Variants in SH2D4A observed in about 807,000 individuals in gnomAD.
The protein encoded by SH2D4A is SH2 domain-containing protein 4A.
A neutral mutation model predicts 64.7 loss-of-function variants in SH2D4A; 70 were observed. The ratio of observed to expected loss-of-function variants is 1.08; its 90% CI spans 0.89 to 1.32. SH2D4A has a LOEUF of 1.32. Among genes scored for constraint, SH2D4A ranks in the 40% most tolerant of loss-of-function variants. The pLI is 0.00. For synonymous variants in SH2D4A, 268 were observed against 200.7 expected, an observed-to-expected ratio of 1.34 and a Z score of -2.83; for missense variants, 706 against 540.1, an observed-to-expected ratio of 1.31 and a Z score of -3.04.
intron 2 of SH2D4A, among the ~76,000 whole-genome samples, chr8:19,331,348 G>C (rs1434320343): frequency 6.6e-6 from 1 of 152,168 alleles, no homozygotes; most frequent in African/African-American, 2.4e-5. Flanking sequence ...CACCAGCCAG[G>C]TGCCCTCTTC....
At chr8:19,382,362 TTTGAC>T (rs542324160) in intron 8 of SH2D4A, among the ~76,000 whole-genome samples, 8 of 152,308 alleles carry the variant, frequency 5.3e-5, no homozygotes, top group African/African-American at 7.2e-5. Flanking sequence ...CTTACAATGG[TTTGAC>T]TTAAGATTTT....
At chr8:19,353,479 T>C (rs1326471639) in intron 4 of SH2D4A, among the ~76,000 whole-genome samples, 3 of 151,192 alleles carry the variant, frequency 2.0e-5, no homozygotes, top group Non-Finnish European at 4.4e-5. Flanking sequence ...AGCAATTCTC[T>C]TGCCTCAGCC....
intron 8 of SH2D4A, among the ~76,000 whole-genome samples, chr8:19,393,021 G>A (rs182647010): frequency 3.3e-5 from 5 of 152,264 alleles, no homozygotes; most frequent in South Asian, 2.1e-4. Context: ...GATTACAGGC[G>A]TGAGCCACCA....
rs2053148671 is a variant in SH2D4A at position 19,373,653 on chromosome 8, G to C, written c.1041G>C (p.Trp347Cys). 6.2e-7 allele frequency: 1 copy of C among 1,612,944 alleles called. No individual in the cohort carries two copies. Among genetic ancestry groups the C allele is most frequent in the Non-Finnish European group, 8.5e-7 (1 of 1,179,434 alleles). ...AAACCTCAGACACCATAGCCCCCTG[G>C]TTCCATGGTGAGTGCAGAGATTTCC... Reference protein sequence around the residue: ...YQKTSDTIAPWFHGILTLKKA... With the variant: ...YQKTSDTIAPCFHGILTLKKA... Residue 347 changes from tryptophan (W) to cysteine (C), a missense_variant, in exon 8 of 10, where the codon TGG becomes TGC. Trp to Cys is a radical substitution (Grantham distance 215, BLOSUM62 -2). Coordinates refer to ENST00000265807, the MANE Select transcript of SH2D4A (RefSeq NM_022071.4).
At chr8:19,365,455 A>T (rs1394776232) in intron 7 of SH2D4A, among the ~76,000 whole-genome samples, 1 of 152,214 alleles carries the variant, frequency 6.6e-6, no homozygotes, top group Non-Finnish European at 1.5e-5. Context: ...ACAAAGGTGC[A>T]CACGGCTCTA....
chr8:19,393,757 CACTGGGGCAGAGA>C (rs1413482422), intron 9 of SH2D4A, among the ~76,000 whole-genome samples: 2 of 152,120 alleles, frequency 1.3e-5, no homozygotes, highest in African/African-American at 4.8e-5. Context: ...CAGGGAACCC[CACTGGGGCAGAGA>C]ATACGGGAAA....
Position 19,393,314 on chromosome 8 carries a change from A to G in SH2D4A, c.1049-4A>G. 1.2e-6 allele frequency: 2 copies of G among 1,613,708 alleles called. No individual in the cohort carries two copies. Among genetic ancestry groups the G allele is most frequent in the Non-Finnish European group, 1.7e-6 (2 of 1,179,870 alleles). ...AATACCTGCCTTTTTTTGCTTTGCC[A>G]CAGGAATTCTCACACTCAAGAAAGC... On this transcript the variant is annotated splice_region_variant and splice_polypyrimidine_tract_variant and intron_variant, in intron 8 of 9. Coordinates refer to ENST00000265807, the MANE Select transcript of SH2D4A (RefSeq NM_022071.4).
At chr8:19,359,237 T>C (rs1234118108) in intron 5 of SH2D4A, among the ~76,000 whole-genome samples, 1 of 152,190 alleles carries the variant, frequency 6.6e-6, no homozygotes, top group East Asian at 1.9e-4. Context: ...TTAATTTTTC[T>C]TCTTTTCCAC....
At chr8:19,336,255 A>G (rs2052443535) in intron 4 of SH2D4A, among the ~76,000 whole-genome samples, 1 of 152,166 alleles carries the variant, frequency 6.6e-6, no homozygotes, top group Admixed American at 6.5e-5. Context: ...ATTAACTACT[A>G]ACTCCTTAAT....
chr8:19,393,694 G>C (rs1008686274), intron 9 of SH2D4A, among the ~76,000 whole-genome samples, 153 bp downstream of exon 9: 1 of 152,192 alleles, frequency 6.6e-6, no homozygotes, highest in Non-Finnish European at 1.5e-5. Context: ...CTGATAATCA[G>C]GATTGTTAAT....
Position 19,393,661 on chromosome 8 carries a change from G to A in SH2D4A, c.1272+120G>A, listed in dbSNP as rs543217720. The A allele has an allele frequency of 3.2e-4, 290 of 894,718 alleles. No homozygotes were observed. The South Asian group carries it at 4.7e-3, about 15-fold the overall frequency. The allele number at this position is 894,718 out of a possible 1,614,324, so 55.4% of individuals were successfully genotyped here. On this transcript the variant is annotated intron_variant, in intron 9 of 9. Transcript: ENST00000265807. ...AGTACTGGGGAGGGGACAGGGGTGG[G>A]GGCTTGTCTTTGATAATTCTTCCTG...
chr8:19,369,881 G>T (rs2053065315), intron 7 of SH2D4A, among the ~76,000 whole-genome samples: 1 of 151,746 alleles, frequency 6.6e-6, no homozygotes, highest in Non-Finnish European at 1.5e-5. Context: ...TGTTTTTCTA[G>T]TTCTTGTGGT....
intron 3 of SH2D4A, among the ~76,000 whole-genome samples, chr8:19,333,494 C>A (rs964217667): frequency 1.3e-5 from 2 of 152,112 alleles, no homozygotes; most frequent in African/African-American, 4.8e-5. Flanking sequence ...CAGGCCGACG[C>A]AGCTGAGTAT....
At chr8:19,376,724 C>G (rs747738890) in intron 8 of SH2D4A, among the ~76,000 whole-genome samples, 5 of 152,086 alleles carry the variant, frequency 3.3e-5, no homozygotes, top group Non-Finnish European at 7.4e-5. Context: ...ATGGCCCAGT[C>G]AAGTTGACCC....
intron 7 of SH2D4A, among the ~76,000 whole-genome samples, chr8:19,367,116 A>G (rs1203484725): frequency 2.0e-5 from 3 of 151,870 alleles, no homozygotes; most frequent in Admixed American, 6.6e-5. Context: ...ATAATATTCT[A>G]TTGTGTATAT....
Position 19,373,670 on chromosome 8 carries a change from G to C in SH2D4A, c.1048+10G>C, listed in dbSNP as rs780359494. 1.2e-6 allele frequency: 2 copies of C among 1,612,578 alleles called. No homozygotes were observed. Among genetic ancestry groups the C allele is most frequent in the Non-Finnish European group, 1.7e-6 (2 of 1,179,182 alleles). On this transcript the variant is annotated intron_variant, in intron 8 of 9. Coordinates refer to ENST00000265807, the MANE Select transcript of SH2D4A (RefSeq NM_022071.4). ...GCCCCCTGGTTCCATGGTGAGTGCA[G>C]AGATTTCCTCAATGGTGTTTCGTCT...
chr8:19,346,586 A>G (rs1440915321), intron 4 of SH2D4A, among the ~76,000 whole-genome samples: 2 of 152,206 alleles, frequency 1.3e-5, no homozygotes, highest in African/African-American at 4.8e-5. Flanking sequence ...ATCATCCCGA[A>G]GCCATCCCTC....
chr8:19,374,725 G>A (rs1029044573), intron 8 of SH2D4A, among the ~76,000 whole-genome samples: 5 of 152,114 alleles, frequency 3.3e-5, no homozygotes, highest in Admixed American at 6.5e-5. Flanking sequence ...TCTCAGAGGA[G>A]TCCCCTCTCC....
At chr8:19,326,843 A>G (rs917331062) in intron 2 of SH2D4A, among the ~76,000 whole-genome samples, 1 of 152,168 alleles carries the variant, frequency 6.6e-6, no homozygotes, top group African/African-American at 2.4e-5. Context: ...TAAGGCTGGC[A>G]TTCACTGCCC....
Sources: gnomAD v4.1 joint callset for allele counts (sites outside exome capture counted in the v4.1 genomes callset) on GRCh38, gnomAD v4.1.1 for gene constraint, MANE v1.5 for transcripts, NCBI Gene and HGNC (gene_info 2026-07-23, HGNC 2026-07-21) for gene names.